MGAT4D: variants seen among roughly 807,000 people sequenced by gnomAD.
The protein encoded by MGAT4D is alpha-1,3-mannosyl-glycoprotein 4-beta-N-acetylglucosaminyltransferase-like protein MGAT4D.
MGAT4D carries 34 observed loss-of-function variants against 15.9 expected under a neutral mutation model. The observed-to-expected ratio is 2.14, with a 90% CI of 1.62 to 2.84. The LOEUF (loss-of-function observed/expected upper bound fraction) is 2.84, where lower values mean the gene tolerates loss of function less well. MGAT4D is among the 30% of genes most tolerant of loss of function. The pLI is 0.00. For synonymous variants in MGAT4D, 112 were observed against 48.2 expected, an observed-to-expected ratio of 2.33 and a Z score of -5.49; for missense variants, 327 against 140.2, an observed-to-expected ratio of 2.33 and a Z score of -6.73.
intron 1 of MGAT4D, among the ~76,000 whole-genome samples, chr4:140,483,337 C>T (rs961271237): frequency 2.6e-5 from 4 of 151,944 alleles, no homozygotes; most frequent in Non-Finnish European, 5.9e-5. Context: ...GAATGGTGCA[C>T]TGAAAACTAT....
intron 6 of MGAT4D, among the ~76,000 whole-genome samples, chr4:140,464,514 G>C (rs1432693435): frequency 2.0e-5 from 3 of 152,132 alleles, no homozygotes; most frequent in African/African-American, 4.8e-5. Context: ...CTAGAATCCA[G>C]CTCTAATGAT....
intron 10 of MGAT4D, among the ~76,000 whole-genome samples, chr4:140,447,359 G>T (rs1436744798): frequency 1.3e-5 from 2 of 152,042 alleles, no homozygotes; most frequent in African/African-American, 4.8e-5. Flanking sequence ...GTAGGTCTCT[G>T]AGAGCTTGCT....
chr4:140,482,430 T>C lies in MGAT4D; in HGVS notation c.150A>G (p.Leu50=), dbSNP rs1732803187. ...TTTTTTCAGTTTTGTTTCTTAAGTG[T>C]AGCATATTTTCTTTAAACTCCAAAA... The part of the protein sequence containing the change: ...NHILEFKENM[L]HLRNKTEKNT... The change falls in exon 2 of 11, where the codon CTA becomes CTG. Residue 50 remains leucine, a synonymous_variant. Coordinates refer to ENST00000511113, the MANE Select transcript of MGAT4D (RefSeq NM_001277353.2). 1 of 641,390 alleles carries C rather than the reference T, an allele frequency of 1.6e-6. No individual in the cohort carries two copies. Among genetic ancestry groups the C allele is most frequent in the East Asian group, 3.0e-5 (1 of 33,680 alleles). The allele number at this position is 641,390 out of a possible 1,614,324, so 39.7% of individuals were successfully genotyped here. A position where few individuals can be genotyped will look rare whatever the true frequency, so the allele number is the denominator to read the frequency against.
At chr4:140,445,219 C>T (rs918225205) in intron 10 of MGAT4D, among the ~76,000 whole-genome samples, 3 of 152,148 alleles carry the variant, frequency 2.0e-5, no homozygotes, top group African/African-American at 7.2e-5. Context: ...GCCATTCTGA[C>T]TGGTGTGAGA....
chr4:140,485,847 A>G, intron 1 of MGAT4D, among the ~76,000 whole-genome samples: 1 of 133,960 alleles, frequency 7.5e-6, no homozygotes, highest in East Asian at 2.2e-4. Flanking sequence ...AAAAAAAAAA[A>G]AGCAATGATG....
chr4:140,491,831 T>G (rs1377821316), intron 1 of MGAT4D, among the ~76,000 whole-genome samples: 1 of 152,050 alleles, frequency 6.6e-6, no homozygotes, highest in Non-Finnish European at 1.5e-5. Context: ...ACCAGGCTCC[T>G]GTCATGGAAG....
At chr4:140,493,478 G>A (rs1354144726) in intron 1 of MGAT4D, among the ~76,000 whole-genome samples, 1 of 151,720 alleles carries the variant, frequency 6.6e-6, no homozygotes, top group African/African-American at 2.4e-5. Flanking sequence ...TGTATTTTTA[G>A]TAGAGATGGG....
At chr4:140,467,111 T>C (rs1731587308) in intron 5 of MGAT4D, among the ~76,000 whole-genome samples, 1 of 152,098 alleles carries the variant, frequency 6.6e-6, no homozygotes, top group African/African-American at 2.4e-5. Context: ...GGTCATTTAT[T>C]TTGGTGGGAG....
intron 5 of MGAT4D, among the ~76,000 whole-genome samples, chr4:140,465,785 G>C (rs1731494790): frequency 6.6e-6 from 1 of 151,980 alleles, no homozygotes. Context: ...CTCCATTATG[G>C]GCAAAATAGT....
chr4:140,452,459 G>A (rs996202527), intron 9 of MGAT4D, among the ~76,000 whole-genome samples: 7 of 152,054 alleles, frequency 4.6e-5, no homozygotes, highest in African/African-American at 9.7e-5. Flanking sequence ...ATTGGTTGAG[G>A]AGTTACAGTT....
Position 140,442,348 on chromosome 4 carries a change from G to A in MGAT4D, c.*1088C>T, listed in dbSNP as rs1729834868. 6.6e-6 allele frequency: 1 copy of A among 152,004 alleles called. No homozygotes were observed. Among genetic ancestry groups the A allele is most frequent in the Non-Finnish European group, 1.5e-5 (1 of 67,990 alleles). 9.4% of individuals were successfully genotyped at this position (152,004 alleles called of 1,614,324 possible). A position where few individuals can be genotyped will look rare whatever the true frequency, so the allele number is the denominator to read the frequency against. On this transcript the variant is annotated 3_prime_UTR_variant, in exon 11 of 11. Transcript: ENST00000511113. ...GTGAGATCTTGGCACTCAAGAATAA[G>A]GCAACAATGGGAAATGAAGAATTTC...
At chr4:140,487,332 G>A (rs914873424) in intron 1 of MGAT4D, among the ~76,000 whole-genome samples, 17 of 152,280 alleles carry the variant, frequency 1.1e-4, no homozygotes, top group African/African-American at 3.6e-4. Context: ...GTGTGCAATG[G>A]GTGAATGTGA....
intron 1 of MGAT4D, 89 bp downstream of exon 1, chr4:140,498,038 TCC>T (rs1560809816): frequency 8.2e-6 from 5 of 611,804 alleles, no homozygotes; most frequent in Non-Finnish European, 1.5e-5. Flanking sequence ...CCGCATCGCC[TCC>T]GCACCCGCCG....
intron 3 of MGAT4D, among the ~76,000 whole-genome samples, chr4:140,475,936 C>T (rs1435267563): frequency 6.6e-6 from 1 of 151,414 alleles, no homozygotes; most frequent in East Asian, 2.0e-4. Context: ...CTCAGTCTCC[C>T]GAGTAGCTGG....
In MGAT4D at chr4:140,481,786, G is replaced by A. The variant is rs573938187; in HGVS notation, c.253+541C>T. 2.2e-4 allele frequency among the ~76,000 whole-genome samples: 34 copies of A among 152,346 alleles called. No homozygotes were observed. In the South Asian group the frequency reaches 6.4e-3, roughly 29 times the overall value. On this transcript the variant is annotated intron_variant, in intron 2 of 10. Coordinates refer to ENST00000511113, the MANE Select transcript of MGAT4D (RefSeq NM_001277353.2). Reference sequence around the variant, plus strand: ...ACAGAGATCTGAGCAGTGGTTGCCAGGGATTAAGAGTAGGGGGAGGATTGG... The same window carrying A: ...ACAGAGATCTGAGCAGTGGTTGCCAAGGATTAAGAGTAGGGGGAGGATTGG...
rs555419099 is a variant in MGAT4D, at chr4:140,459,952, C to T, written c.763-326G>A. On this transcript the variant is annotated intron_variant, in intron 7 of 10. Coordinates refer to ENST00000511113, the MANE Select transcript of MGAT4D (RefSeq NM_001277353.2). ...TTTACCATGCTGCCCAGGCTGGTTT[C>T]GAATTCCTGGGCTCAAGCGATCCTC... 4.6e-5 allele frequency among the ~76,000 whole-genome samples: 7 copies of T among 151,980 alleles called. No individual in the cohort carries two copies. In the East Asian group the frequency reaches 7.8e-4, roughly 17 times the overall value.
At chr4:140,468,373 T>G (rs367781986) in intron 5 of MGAT4D, among the ~76,000 whole-genome samples, 1 of 152,330 alleles carries the variant, frequency 6.6e-6, no homozygotes, top group South Asian at 2.1e-4. Flanking sequence ...ATACATTAGG[T>G]AATGTTTTTA....
intron 3 of MGAT4D, among the ~76,000 whole-genome samples, chr4:140,475,448 G>C (rs1390509082): frequency 6.6e-6 from 1 of 151,894 alleles, no homozygotes. Flanking sequence ...GGAGCACTAG[G>C]GCTCCAAGAT....
At chr4:140,471,097 G>T (rs1439119506) in intron 5 of MGAT4D, among the ~76,000 whole-genome samples, 1 of 152,030 alleles carries the variant, frequency 6.6e-6, no homozygotes, top group Non-Finnish European at 1.5e-5. Context: ...TGGCCATGTT[G>T]CCCAGGCTGA....
Sources: allele counts gnomAD v4.1 joint callset (sites outside exome capture counted in the v4.1 genomes callset), GRCh38; gene constraint gnomAD v4.1.1; transcripts MANE v1.5; gene names NCBI Gene and HGNC (gene_info 2026-07-23, HGNC 2026-07-21).